Variants in SND1 observed in about 807,000 individuals in gnomAD.
SND1 encodes staphylococcal nuclease domain-containing protein 1.
In SND1, 38 loss-of-function variants were observed where a neutral mutation model predicts 121.7. That is an observed-to-expected ratio of 0.31 (90% CI 0.24 to 0.41). The LOEUF is 0.41. SND1 is among the 10% of genes least tolerant of loss of function. The pLI is 1.00. For synonymous variants in SND1, 401 were observed against 447.4 expected, an observed-to-expected ratio of 0.90 and a Z score of 1.31; for missense variants, 868 against 1,184.6, an observed-to-expected ratio of 0.73 and a Z score of 3.92.
At chr7:128,022,096 C>T (rs2116965213) in intron 16 of SND1, among the ~76,000 whole-genome samples, 1 of 150,534 alleles carries the variant, frequency 6.6e-6, no homozygotes, top group Admixed American at 6.7e-5. Context: ...CCCAGCAACT[C>T]GGGAAGCTGA....
At chr7:127,767,344 TC>T (rs1269756333) in intron 10 of SND1, among the ~76,000 whole-genome samples, 5 of 152,160 alleles carry the variant, frequency 3.3e-5, no homozygotes, top group East Asian at 1.9e-4. Flanking sequence ...ATCCTGGTCT[TC>T]CTGTTTTGTT....
chr7:127,857,824 A>G, intron 12 of SND1: 1 of 907,410 alleles, frequency 1.1e-6, no homozygotes, highest in Non-Finnish European at 1.8e-6. Flanking sequence ...AGAAGGGCCC[A>G]CCAAACTAGG....
intron 15 of SND1, among the ~76,000 whole-genome samples, chr7:127,930,401 C>T (rs994302266): frequency 6.6e-6 from 1 of 152,202 alleles, no homozygotes; most frequent in Non-Finnish European, 1.5e-5. Context: ...GGGTCTCCCT[C>T]AGGCCCCAAC....
At chr7:127,801,903 G>A (rs1454906840) in intron 10 of SND1, among the ~76,000 whole-genome samples, 2 of 151,908 alleles carry the variant, frequency 1.3e-5, no homozygotes, top group Non-Finnish European at 2.9e-5. Context: ...GTGCAGTGGC[G>A]CGATCTCAGC....
intron 10 of SND1, among the ~76,000 whole-genome samples, chr7:127,726,291 C>G (rs1034680808): frequency 3.9e-5 from 6 of 152,198 alleles, no homozygotes; most frequent in Non-Finnish European, 8.8e-5. Context: ...ATATTTCCCT[C>G]TCTAGAATTC....
At chr7:128,042,327 G>T (rs1792869958) in intron 16 of SND1, 2 of 152,192 alleles carry the variant, frequency 1.3e-5, no homozygotes, top group African/African-American at 4.8e-5. Context: ...CCCTCCCCAA[G>T]AGGAGACCAT....
chr7:127,723,399 C>G (rs555846122), intron 10 of SND1, among the ~76,000 whole-genome samples: 8 of 151,774 alleles, frequency 5.3e-5, no homozygotes, highest in African/African-American at 1.9e-4. Flanking sequence ...TTTATTCTTT[C>G]TTTTTCTTCC....
chr7:127,870,991 A>G (rs541258138), intron 12 of SND1, among the ~76,000 whole-genome samples: 3 of 152,098 alleles, frequency 2.0e-5, no homozygotes, highest in Non-Finnish European at 2.9e-5. Context: ...TTTAAAATTT[A>G]TTTATTTATT....
chr7:127,706,537 T>A (rs188085091), intron 8 of SND1, among the ~76,000 whole-genome samples: 1 of 152,044 alleles, frequency 6.6e-6, no homozygotes, highest in African/African-American at 2.4e-5. Context: ...GGATTACAGG[T>A]GTGAGCCACT....
At chr7:127,760,579 T>C (rs1797286102) in intron 10 of SND1, among the ~76,000 whole-genome samples, 1 of 152,228 alleles carries the variant, frequency 6.6e-6, no homozygotes, top group African/African-American at 2.4e-5. Flanking sequence ...GGAGAATCAT[T>C]ATGTGCCTTG....
chr7:127,882,858 T>C (rs1319178552), intron 12 of SND1, among the ~76,000 whole-genome samples: 1 of 152,178 alleles, frequency 6.6e-6, no homozygotes, highest in Non-Finnish European at 1.5e-5. Flanking sequence ...AGTGTATCAG[T>C]AATTCTACTC....
At chr7:127,740,460 C>G (rs1796859829) in intron 10 of SND1, among the ~76,000 whole-genome samples, 1 of 152,190 alleles carries the variant, frequency 6.6e-6, no homozygotes, top group Admixed American at 6.5e-5. Flanking sequence ...CAAAGAATCA[C>G]AGCAACTCAT....
intron 10 of SND1, among the ~76,000 whole-genome samples, chr7:127,790,381 G>A (rs1216130524): frequency 1.3e-5 from 2 of 152,164 alleles, no homozygotes; most frequent in Non-Finnish European, 2.9e-5. Context: ...AGAGGAAAAG[G>A]ACTGTTTTTC....
chr7:127,829,875 G>T (rs1223895832), intron 11 of SND1, among the ~76,000 whole-genome samples: 3 of 152,150 alleles, frequency 2.0e-5, no homozygotes, highest in African/African-American at 7.2e-5. Context: ...GGGGCTAGAG[G>T]TAGGGGAAGT....
At chr7:128,025,532 G>C (rs891596314) in intron 16 of SND1, among the ~76,000 whole-genome samples, 18 of 152,146 alleles carry the variant, frequency 1.2e-4, no homozygotes, top group Non-Finnish European at 2.6e-4. Context: ...ACCCCCTAAA[G>C]AGCTACCAAC....
At chr7:127,673,452 C>T (rs1339797413) in intron 1 of SND1, among the ~76,000 whole-genome samples, 2 of 152,084 alleles carry the variant, frequency 1.3e-5, no homozygotes, top group African/African-American at 2.4e-5. Flanking sequence ...GCTGGGACTA[C>T]AGACACATGT....
chr7:127,670,052 G>A (rs1050010801), intron 1 of SND1, among the ~76,000 whole-genome samples: 7 of 150,994 alleles, frequency 4.6e-5, no homozygotes, highest in African/African-American at 1.2e-4. Flanking sequence ...GTGCAGTGGC[G>A]TGATCTCGGC....
intron 10 of SND1, among the ~76,000 whole-genome samples, chr7:127,766,632 G>A (rs71578241): frequency 0.085 from 12,882 of 151,588 alleles, 645 homozygotes; most frequent in Middle Eastern, 0.2. Flanking sequence ...AAAATTAGCC[G>A]GGCGTGGTGG....
chr7:127,993,299 C>G (rs1802562584), intron 16 of SND1, among the ~76,000 whole-genome samples: 1 of 152,146 alleles, frequency 6.6e-6, no homozygotes, highest in Non-Finnish European at 1.5e-5. Context: ...TATGTAGTAC[C>G]TCCATTTTTA....
Sources: gnomAD v4.1 joint callset for allele counts (sites outside exome capture counted in the v4.1 genomes callset) on GRCh38, gnomAD v4.1.1 for gene constraint, MANE v1.5 for transcripts, NCBI Gene and HGNC (gene_info 2026-07-23, HGNC 2026-07-21) for gene names.